Variants in LRP1B observed in about 807,000 individuals in gnomAD.
LRP1B encodes low-density lipoprotein receptor-related protein 1B.
A neutral mutation model predicts 556.6 loss-of-function variants in LRP1B; 217 were observed. The observed-to-expected ratio is 0.39, with a 90% confidence interval of 0.35 to 0.44. The LOEUF (loss-of-function observed/expected upper bound fraction) is 0.44. Among genes scored for constraint, LRP1B ranks in the 20% least tolerant of loss-of-function variants. LRP1B has a pLI of 1.00. For synonymous variants in LRP1B, 2,047 were observed against 1,865.8 expected (o/e 1.10, Z -2.50); for missense variants, 5,053 against 5,620.8 (o/e 0.90, Z 3.23).
chr2:142,107,956 A>G (rs1409274415), intron 1 of LRP1B, among the ~76,000 whole-genome samples: 1 of 150,172 alleles, frequency 6.7e-6, no homozygotes, highest in African/African-American at 2.4e-5. Flanking sequence ...GATTCAATGA[A>G]TTATATATAT....
intron 23 of LRP1B, chr2:140,898,844 A>G: frequency 2.1e-6 from 1 of 477,606 alleles, no homozygotes. Context: ...TCCAAGAACC[A>G]GATCTGAAGT....
intron 1 of LRP1B, among the ~76,000 whole-genome samples, chr2:141,869,694 A>C (rs1199421060): frequency 6.6e-6 from 1 of 152,142 alleles, no homozygotes; most frequent in Non-Finnish European, 1.5e-5. Context: ...TGTCTTTGAA[A>C]GTTTGAAATA....
At chr2:141,674,023 A>G (rs1278908129) in intron 2 of LRP1B, among the ~76,000 whole-genome samples, 3 of 152,068 alleles carry the variant, frequency 2.0e-5, no homozygotes, top group African/African-American at 7.2e-5. Flanking sequence ...AGCACATTTC[A>G]TTCAGGTTGG....
chr2:141,013,507 G>T (rs368560031), intron 14 of LRP1B, 49 bp downstream of exon 14: 1 of 1,389,966 alleles, frequency 7.2e-7, no homozygotes, highest in Non-Finnish European at 9.8e-7. Flanking sequence ...CTTCTGTGAA[G>T]TATTATTATA....
chr2:141,737,929 T>C (rs1693551560), intron 2 of LRP1B, among the ~76,000 whole-genome samples: 1 of 152,154 alleles, frequency 6.6e-6, no homozygotes. Context: ...GTATTTGCTG[T>C]CCTATCAATA....
intron 3 of LRP1B, among the ~76,000 whole-genome samples, chr2:141,412,187 C>T (rs1690877785): frequency 1.3e-5 from 2 of 152,124 alleles, no homozygotes; most frequent in Non-Finnish European, 1.5e-5. Flanking sequence ...AGTTCTTATC[C>T]AGCCCAAGAT....
In LRP1B at chr2:141,905,281, G is replaced by GA. The variant is rs945005762; in HGVS notation, c.83-94881dup. On this transcript the variant is annotated intron_variant, in intron 1 of 90. Coordinates refer to ENST00000389484, the MANE Select transcript of LRP1B (RefSeq NM_018557.3). ...GCATCTTCTTTAGCTGTAATGGTGGGAAGGCTGAGGAGTTGAATGGAGATA... is the reference window on the plus strand; with the variant it reads ...GCATCTTCTTTAGCTGTAATGGTGGGAAAGGCTGAGGAGTTGAATGGAGATA... 4.3e-4 allele frequency among the ~76,000 whole-genome samples: 66 copies of GA among 151,970 alleles called. 1 individual carries two copies. Among genetic ancestry groups the GA allele is most frequent in the African/African-American group, 1.5e-3 (64 of 41,514 alleles).
intron 6 of LRP1B, among the ~76,000 whole-genome samples, chr2:141,202,300 C>T (rs1052926806): frequency 1.5e-4 from 23 of 152,062 alleles, no homozygotes; most frequent in Admixed American, 1.3e-3. Flanking sequence ...CTATATTTTC[C>T]GTATCTAGTC....
chr2:140,404,168 CTTTTTTTTTTTT>C lies in LRP1B; in HGVS notation c.10415-18171_10415-18160del, dbSNP rs68017900. On this transcript the variant is annotated intron_variant, in intron 66 of 90. Transcript: ENST00000389484. ...CTGGATCTGTACCAAAATAGAACTT[CTTTTTTTTTTTT>C]TTTTTTTTTTTTGAGACAGAGTCTC... Among the ~76,000 whole-genome samples the C allele has an allele frequency of 1.5e-3, 143 of 92,430 alleles. 1 individual carries two copies. In the South Asian group the frequency reaches 0.028, roughly 18 times the overall value. The allele number at this position is 92,430 out of a possible 152,430, so 60.6% of individuals were successfully genotyped here.
At chr2:141,253,113 T>C (rs1451471885) in intron 4 of LRP1B, among the ~76,000 whole-genome samples, 1 of 152,120 alleles carries the variant, frequency 6.6e-6, no homozygotes, top group Non-Finnish European at 1.5e-5. Flanking sequence ...GAATGCAGAA[T>C]AGGTATCTAA....
chr2:140,824,099 TA>T (rs961085872), intron 31 of LRP1B, among the ~76,000 whole-genome samples: 2 of 144,492 alleles, frequency 1.4e-5, no homozygotes, highest in South Asian at 2.3e-4. Flanking sequence ...AAACAAAAGT[TA>T]AAAAAATAGC....
At chr2:141,741,452 G>A (rs900359970) in intron 2 of LRP1B, among the ~76,000 whole-genome samples, 17 of 151,350 alleles carry the variant, frequency 1.1e-4, no homozygotes, top group African/African-American at 4.1e-4. Flanking sequence ...CCACTTCCTT[G>A]CCAGCATTTG....
intron 11 of LRP1B, among the ~76,000 whole-genome samples, chr2:141,024,320 G>A (rs1474345031): frequency 1.3e-5 from 2 of 151,966 alleles, no homozygotes; most frequent in Non-Finnish European, 2.9e-5. Flanking sequence ...GTCAAGGAGG[G>A]TGAATACACA....
At chr2:140,442,728 T>C (rs1221419481) in intron 65 of LRP1B, 105 bp from the exon 66 acceptor site, 1 of 1,144,178 alleles carries the variant, frequency 8.7e-7, no homozygotes, top group Non-Finnish European at 1.2e-6. Flanking sequence ...GAAAAATGTA[T>C]TGTCTTTAAA....
At chr2:141,801,718 T>G (rs1696013374) in intron 2 of LRP1B, among the ~76,000 whole-genome samples, 1 of 152,132 alleles carries the variant, frequency 6.6e-6, no homozygotes, top group Non-Finnish European at 1.5e-5. Flanking sequence ...TGTAACTACC[T>G]TTACCCCACC....
At chr2:141,082,322 G>A (rs991395040) in intron 7 of LRP1B, among the ~76,000 whole-genome samples, 2 of 148,902 alleles carry the variant, frequency 1.3e-5, no homozygotes, top group East Asian at 4.0e-4. Context: ...CAAGTTTAAG[G>A]TAATGCATTT....
intron 2 of LRP1B, among the ~76,000 whole-genome samples, chr2:141,788,373 A>G (rs1695493716): frequency 6.6e-6 from 1 of 152,026 alleles, no homozygotes; most frequent in Admixed American, 6.6e-5. Context: ...GAAAGCAGGA[A>G]TTACAGAAAC....
chr2:141,988,715 G>A (rs1390369810), intron 1 of LRP1B, among the ~76,000 whole-genome samples: 2 of 151,910 alleles, frequency 1.3e-5, no homozygotes, highest in East Asian at 1.9e-4. Context: ...CTTAGTTGAT[G>A]CTGCATGGTT....
intron 1 of LRP1B, among the ~76,000 whole-genome samples, chr2:141,969,549 T>G (rs1251940207): frequency 6.6e-6 from 1 of 151,664 alleles, no homozygotes; most frequent in Non-Finnish European, 1.5e-5. Flanking sequence ...ACTTATAATG[T>G]TCACCAATTC....
Sources: gnomAD v4.1 joint callset for allele counts (sites outside exome capture counted in the v4.1 genomes callset) on GRCh38, gnomAD v4.1.1 for gene constraint, MANE v1.5 for transcripts, NCBI Gene and HGNC (gene_info 2026-07-23, HGNC 2026-07-21) for gene names.